Variants in MRTFA observed in about 807,000 individuals in gnomAD.
MRTFA encodes myocardin related transcription factor A, also known as myocardin-related transcription factor A.
Under a neutral mutation model 83.5 loss-of-function variants are expected in MRTFA, and 20 were observed. The observed-to-expected ratio is 0.24, with a 90% confidence interval of 0.17 to 0.35. The LOEUF is 0.35. Among genes scored for constraint, MRTFA ranks in the 10% least tolerant of loss-of-function variants. The pLI is 1.00. For synonymous variants in MRTFA, 659 were observed against 541.2 expected (o/e 1.22, Z -3.02); for missense variants, 1,200 against 1,224.7 (o/e 0.98, Z 0.30).
At chr22:40,475,017 T>C (rs953930768) in intron 3 of MRTFA, among the ~76,000 whole-genome samples, 8 of 151,946 alleles carry the variant, frequency 5.3e-5, no homozygotes, top group South Asian at 2.1e-4. Context: ...TTTTGTATTT[T>C]TAGTAGAGAC....
At chr22:40,607,216 T>C (rs1436195301) in intron 1 of MRTFA, among the ~76,000 whole-genome samples, 1 of 152,108 alleles carries the variant, frequency 6.6e-6, no homozygotes, top group African/African-American at 2.4e-5. Flanking sequence ...GAACAACAGG[T>C]ACACAAGGCC....
chr22:40,455,710 G>A (rs2053573261), intron 4 of MRTFA, among the ~76,000 whole-genome samples: 1 of 151,116 alleles, frequency 6.6e-6, no homozygotes, highest in South Asian at 2.1e-4. Context: ...GAGTCAGCAG[G>A]ATGACAGGGT....
chr22:40,533,524 C>G, intron 3 of MRTFA: 2 of 1,001,982 alleles, frequency 2.0e-6, no homozygotes, highest in Non-Finnish European at 1.3e-6. Context: ...TTTAAAGAAG[C>G]CTGTGGCAAA....
At chr22:40,497,559 C>T (rs1054788809) in intron 3 of MRTFA, among the ~76,000 whole-genome samples, 2 of 150,878 alleles carry the variant, frequency 1.3e-5, no homozygotes, top group Non-Finnish European at 3.0e-5. Flanking sequence ...TCGAGACCAG[C>T]CTGACCAACA....
chr22:40,429,323 G>C, intron 7 of MRTFA: 1 of 613,830 alleles, frequency 1.6e-6, no homozygotes, highest in Non-Finnish European at 2.9e-6. Flanking sequence ...CTCTGTGAAA[G>C]AGGAAGCAAC....
At chr22:40,574,361 T>G (rs1302498033) in intron 2 of MRTFA, among the ~76,000 whole-genome samples, 1 of 152,190 alleles carries the variant, frequency 6.6e-6, no homozygotes, top group East Asian at 1.9e-4. Flanking sequence ...ATTTACAGAC[T>G]TTCTGTTCTT....
chr22:40,511,530 C>T (rs1019711435), intron 3 of MRTFA, among the ~76,000 whole-genome samples: 1 of 152,112 alleles, frequency 6.6e-6, no homozygotes, highest in African/African-American at 2.4e-5. Context: ...AATTCTAAGA[C>T]GGGGAAAGGC....
At position 40,429,656 on chromosome 22, in the gene MRTFA, A is replaced by G. The variant is rs761736351; in HGVS notation, c.551T>C (p.Val184Ala). 6.2e-7 allele frequency: 1 copy of G among 1,614,042 alleles called. No homozygotes were observed. Residue 184 changes from valine to alanine, a missense_variant, in exon 7 of 15, where the codon GTG becomes GCG. Physicochemically the swap from Val to Ala is moderately conservative, Grantham distance 64. Transcript: ENST00000355630. The stretch of plus-strand genomic sequence containing the variant: ...CTCAACAGGAAGGATGTTCTTCTCC[A>G]CCAGCTCCATGGGGCCAGGCCTCTG...
At position 40,531,263 on chromosome 22, in the gene MRTFA, T is replaced by C. The variant is rs939551869; in HGVS notation, c.241+20843A>G. Among the ~76,000 whole-genome samples, 23 of 99,288 alleles carry C rather than the reference T, an allele frequency of 2.3e-4. No homozygotes were observed. The East Asian group carries it at 6.3e-3, about 27-fold the overall frequency. The allele number at this position is 99,288 out of a possible 152,430, so 65.1% of individuals were successfully genotyped here. ...ACAGGTGGGCACCATCATACCTGGC[T>C]TTTTTTTTTTTTTTTTTTTTTTAAT... On this transcript the variant is annotated intron_variant, in intron 3 of 14. Coordinates refer to ENST00000355630, the MANE Select transcript of MRTFA (RefSeq NM_020831.6).
intron 3 of MRTFA, among the ~76,000 whole-genome samples, chr22:40,466,854 A>C (rs2053819674): frequency 1.3e-5 from 2 of 151,760 alleles, no homozygotes; most frequent in Admixed American, 6.5e-5. Flanking sequence ...ATTTAAATTT[A>C]TGAAAGCTAA....
chr22:40,509,401 T>G (rs1443455173), intron 3 of MRTFA, among the ~76,000 whole-genome samples: 2 of 152,216 alleles, frequency 1.3e-5, no homozygotes, highest in Non-Finnish European at 2.9e-5. Context: ...GTCAAAAATA[T>G]CCCTGTTATG....
At chr22:40,503,125 G>C (rs556890258) in intron 3 of MRTFA, among the ~76,000 whole-genome samples, 1 of 152,294 alleles carries the variant, frequency 6.6e-6, no homozygotes, top group East Asian at 1.9e-4. Flanking sequence ...TCATCAAGAA[G>C]AGTCTAAAGA....
chr22:40,510,117 T>C (rs910659396), intron 3 of MRTFA, among the ~76,000 whole-genome samples: 3 of 152,036 alleles, frequency 2.0e-5, no homozygotes, highest in South Asian at 2.1e-4. Flanking sequence ...TTGACAGATA[T>C]GTCTCCAGAT....
chr22:40,449,888 C>T (rs2053455579), intron 4 of MRTFA, among the ~76,000 whole-genome samples: 1 of 152,202 alleles, frequency 6.6e-6, no homozygotes, highest in Admixed American at 6.5e-5. Context: ...GGATTCCACA[C>T]CCTGATATTT....
At chr22:40,443,134 C>T (rs928600824) in intron 4 of MRTFA, among the ~76,000 whole-genome samples, 1 of 152,098 alleles carries the variant, frequency 6.6e-6, no homozygotes, top group Admixed American at 6.5e-5. Context: ...CACCTGTAAT[C>T]CCAACTCCTC....
chr22:40,462,168 T>G (rs536186222), intron 4 of MRTFA, among the ~76,000 whole-genome samples: 1 of 152,238 alleles, frequency 6.6e-6, no homozygotes. Context: ...TACTTGATAG[T>G]ACTTACCAGG....
intron 3 of MRTFA, among the ~76,000 whole-genome samples, chr22:40,485,373 G>C (rs1200010699): frequency 6.6e-6 from 1 of 152,152 alleles, no homozygotes; most frequent in African/African-American, 2.4e-5. Context: ...CCTCTTCGAT[G>C]CTTCTCCTGG....
chr22:40,441,941 G>C (rs1330300356), intron 4 of MRTFA, among the ~76,000 whole-genome samples: 1 of 152,026 alleles, frequency 6.6e-6, no homozygotes, highest in Non-Finnish European at 1.5e-5. Flanking sequence ...GACAGCGCAG[G>C]GGCCCCAGGG....
intron 3 of MRTFA, among the ~76,000 whole-genome samples, chr22:40,505,080 A>G (rs1032316805): frequency 6.6e-6 from 1 of 152,250 alleles, no homozygotes; most frequent in Non-Finnish European, 1.5e-5. Context: ...TGGATACTCA[A>G]TAAACATTAT....
Sources: allele counts gnomAD v4.1 joint callset (sites outside exome capture counted in the v4.1 genomes callset), GRCh38; gene constraint gnomAD v4.1.1; transcripts MANE v1.5; gene names NCBI Gene and HGNC (gene_info 2026-07-23, HGNC 2026-07-21).